The following DYSF variants were observed in gnomAD, a reference collection of about 807,000 sequenced individuals.
DYSF encodes the protein dysferlin.
Under a neutral mutation model 274.9 loss-of-function variants are expected in DYSF, and 212 were observed. That is an observed-to-expected ratio of 0.77 (90% CI 0.69 to 0.86). The LOEUF is 0.86. Ranked by LOEUF, DYSF falls within the 40% of genes least tolerant of loss-of-function variation. The probability of loss-of-function intolerance (pLI) is 0.00; values close to 1 mark genes in which losing one functional copy is unlikely to be tolerated. For synonymous variants in DYSF, 1,091 were observed against 1,078.7 expected, an observed-to-expected ratio of 1.01 and a Z score of -0.22; for missense variants, 2,666 against 2,783.2, an observed-to-expected ratio of 0.96 and a Z score of 0.95.
chr2:71,500,953 C>T (rs185148256), intron 3 of DYSF, among the ~76,000 whole-genome samples: 12 of 152,206 alleles, frequency 7.9e-5, no homozygotes, highest in African/African-American at 1.4e-4. Context: ...TCTCTGATGT[C>T]GCATGGACTC....
chr2:71,512,696 G>C (rs1468471642), intron 5 of DYSF, among the ~76,000 whole-genome samples: 2 of 152,210 alleles, frequency 1.3e-5, no homozygotes, highest in Non-Finnish European at 2.9e-5. Context: ...AGATTCTAGA[G>C]TTTTTCTCTT....
intron 52 of DYSF, among the ~76,000 whole-genome samples, chr2:71,675,470 C>G (rs2095204342): frequency 6.6e-6 from 1 of 152,170 alleles, no homozygotes; most frequent in Non-Finnish European, 1.5e-5. Flanking sequence ...TCGTTCTTAG[C>G]TGAGCCCTGG....
At chr2:71,467,803 G>GATA (rs1313041321) in intron 1 of DYSF, among the ~76,000 whole-genome samples, 3 of 152,024 alleles carry the variant, frequency 2.0e-5, no homozygotes, top group Non-Finnish European at 2.9e-5. Context: ...TTGTGGAATC[G>GATA]ATAATAATAA....
At chr2:71,488,107 C>CAA (rs1264095600) in intron 3 of DYSF, among the ~76,000 whole-genome samples, 2 of 142,226 alleles carry the variant, frequency 1.4e-5, no homozygotes, top group African/African-American at 5.2e-5. Flanking sequence ...TAATGTCAAC[C>CAA]AAAAAAAAAA....
chr2:71,644,492 A>G (rs2094537373), intron 42 of DYSF, among the ~76,000 whole-genome samples: 2 of 152,186 alleles, frequency 1.3e-5, no homozygotes, highest in South Asian at 2.1e-4. Context: ...TTTCAGTGTT[A>G]TTTGAACTTT....
chr2:71,572,441 C>T (rs2092548570), intron 29 of DYSF, among the ~76,000 whole-genome samples: 1 of 152,260 alleles, frequency 6.6e-6, no homozygotes, highest in Non-Finnish European at 1.5e-5. Context: ...AAAGTTCACA[C>T]ACCAACCTGG....
chr2:71,583,265 C>A (rs1208082082), intron 30 of DYSF, among the ~76,000 whole-genome samples: 3 of 152,188 alleles, frequency 2.0e-5, no homozygotes, highest in African/African-American at 7.2e-5. Context: ...GGCCCCCTGA[C>A]CCCTTTTACA....
chr2:71,674,144 C>T, intron 51 of DYSF, 53 bp from the exon 52 acceptor site: 3 of 1,545,326 alleles, frequency 1.9e-6, no homozygotes, highest in Non-Finnish European at 1.8e-6. Context: ...GGGAACACTG[C>T]CTCTCTCTAA....
At chr2:71,650,992 G>A (rs57380390) in intron 42 of DYSF, among the ~76,000 whole-genome samples, 9,019 of 152,084 alleles carry the variant, frequency 0.059, 758 homozygotes, top group African/African-American at 0.19. Context: ...ACAGAATGCC[G>A]GGAAAATGAA....
intron 48 of DYSF, among the ~76,000 whole-genome samples, chr2:71,667,890 TG>T (rs1374143645): frequency 6.6e-6 from 1 of 152,184 alleles, no homozygotes; most frequent in Non-Finnish European, 1.5e-5. Flanking sequence ...GGCCCTGTGC[TG>T]GGTGGCTGTG....
In DYSF at chr2:71,598,437, A is replaced by G. The variant is rs562190641; in HGVS notation, c.3575-127A>G. The G allele has an allele frequency of 1.2e-5, 13 of 1,126,464 alleles. No individual in the cohort carries two copies. In the African/African-American group the frequency reaches 1.9e-4, roughly 16 times the overall value. 69.8% of individuals were successfully genotyped at this position (1,126,464 alleles called of 1,614,324 possible). ...ATAGGGAAGATGCATCCCAGCATGA[A>G]TGTTGTTGCTCCAGAGTGGCAGCCA... On this transcript the variant is annotated intron_variant, in intron 32 of 55. Coordinates refer to ENST00000410020, the MANE Select transcript of DYSF (RefSeq NM_001130987.2).
intron 30 of DYSF, among the ~76,000 whole-genome samples, chr2:71,588,428 C>T (rs1018696008): frequency 6.6e-6 from 1 of 152,012 alleles, no homozygotes; most frequent in African/African-American, 2.4e-5. Context: ...AGAGCAGGGG[C>T]ACAGTAGTGG....
At chr2:71,611,760 T>C in intron 38 of DYSF, 134 bp downstream of exon 38, 2 of 1,187,022 alleles carry the variant, frequency 1.7e-6, no homozygotes, top group Non-Finnish European at 1.2e-6. Context: ...CCTGTGAACA[T>C]GGGGAGAAAT....
intron 30 of DYSF, among the ~76,000 whole-genome samples, chr2:71,586,289 G>T (rs981314342): frequency 1.3e-5 from 2 of 152,118 alleles, no homozygotes; most frequent in Non-Finnish European, 2.9e-5. Flanking sequence ...GCCTGGCTCT[G>T]GGGGGTGTGT....
intron 30 of DYSF, among the ~76,000 whole-genome samples, chr2:71,582,665 A>T (rs982799304): frequency 1.3e-5 from 2 of 152,200 alleles, no homozygotes; most frequent in Non-Finnish European, 2.9e-5. Context: ...CTCCAGAACA[A>T]AACAAAACAA....
intron 22 of DYSF, among the ~76,000 whole-genome samples, chr2:71,560,151 T>G (rs1410361388): frequency 6.6e-6 from 1 of 152,180 alleles, no homozygotes. Flanking sequence ...ACCCCCTGCC[T>G]TGGGCTTTCC....
intron 19 of DYSF, 100 bp downstream of exon 19, chr2:71,551,820 GCT>G: frequency 1.0e-6 from 1 of 961,366 alleles, no homozygotes; most frequent in Non-Finnish European, 1.6e-6. Context: ...GGAGGAGGAA[GCT>G]CTGCCCACAC....
chr2:71,541,497 C>T (rs2089924384), intron 17 of DYSF, among the ~76,000 whole-genome samples: 1 of 125,166 alleles, frequency 8.0e-6, no homozygotes. Context: ...ATTTCTAATG[C>T]TATGTATTTG....
chr2:71,471,859 G>A (rs1207441079), intron 1 of DYSF, among the ~76,000 whole-genome samples: 2 of 152,040 alleles, frequency 1.3e-5, no homozygotes, highest in African/African-American at 4.8e-5. Flanking sequence ...CCAGCTACTT[G>A]AGGGGCAGAG....
Sources: gnomAD v4.1 joint callset for allele counts (sites outside exome capture counted in the v4.1 genomes callset) on GRCh38, gnomAD v4.1.1 for gene constraint, MANE v1.5 for transcripts, NCBI Gene and HGNC (gene_info 2026-07-23, HGNC 2026-07-21) for gene names.